Variants in BMP2K observed in about 807,000 individuals in gnomAD.
BMP2K encodes BMP-2-inducible protein kinase.
A neutral mutation model predicts 116.0 loss-of-function variants in BMP2K; 74 were observed. The ratio of observed to expected loss-of-function variants is 0.64; its 90% CI spans 0.53 to 0.77. The LOEUF is 0.77. Among genes scored for constraint, BMP2K ranks in the 30% least tolerant of loss-of-function variants. The pLI is 0.00. For missense variants in BMP2K, 1,365 were observed against 1,403.6 expected (o/e 0.97, Z 0.44); for synonymous variants, 486 against 502.5 (o/e 0.97, Z 0.44).
intron 15 of BMP2K, among the ~76,000 whole-genome samples, chr4:78,907,438 C>T (rs900372461): frequency 3.3e-5 from 5 of 152,190 alleles, no homozygotes; most frequent in African/African-American, 9.6e-5. Context: ...CCAAGTGACA[C>T]TCTCCAAGAT....
chr4:78,836,416 C>CAA (rs202054706), intron 3 of BMP2K, among the ~76,000 whole-genome samples: 2 of 133,136 alleles, frequency 1.5e-5, no homozygotes, highest in Middle Eastern at 3.9e-3. Flanking sequence ...GACTCTGTCT[C>CAA]AAAAAAAAAA....
chr4:78,798,559 G>A (rs1003261295), intron 1 of BMP2K, among the ~76,000 whole-genome samples: 15 of 152,124 alleles, frequency 9.9e-5, no homozygotes, highest in African/African-American at 3.4e-4. Context: ...GACTGTTAAC[G>A]GTAGTCTTCC....
chr4:78,885,526 G>A (rs538278906), intron 14 of BMP2K, among the ~76,000 whole-genome samples: 1 of 152,170 alleles, frequency 6.6e-6, no homozygotes, highest in African/African-American at 2.4e-5. Flanking sequence ...TTGAACTTGG[G>A]GCTTTTTGCT....
At chr4:78,895,749 T>C (rs1178682118) in intron 15 of BMP2K, among the ~76,000 whole-genome samples, 2 of 152,188 alleles carry the variant, frequency 1.3e-5, no homozygotes. Context: ...CTAATTTTTA[T>C]ATGAACACAG....
intron 14 of BMP2K, among the ~76,000 whole-genome samples, chr4:78,884,860 C>T (rs1288722810): frequency 2.0e-5 from 3 of 152,080 alleles, no homozygotes; most frequent in East Asian, 1.9e-4. Flanking sequence ...AGGGACCCTT[C>T]GTTATATAAA....
At chr4:78,788,471 G>T (rs1014183723) in intron 1 of BMP2K, among the ~76,000 whole-genome samples, 2 of 151,088 alleles carry the variant, frequency 1.3e-5, no homozygotes, top group African/African-American at 4.9e-5. Flanking sequence ...AACTCATCCA[G>T]ACAGCTCAGT....
chr4:78,900,500 CAA>C (rs1733942168), intron 15 of BMP2K, among the ~76,000 whole-genome samples: 1 of 152,090 alleles, frequency 6.6e-6, no homozygotes, highest in Non-Finnish European at 1.5e-5. Flanking sequence ...GAGAGTCTAA[CAA>C]GACATAAAAA....
At chr4:78,897,516 CATTAT>C (rs1328170437) in intron 15 of BMP2K, among the ~76,000 whole-genome samples, 1 of 152,080 alleles carries the variant, frequency 6.6e-6, no homozygotes, top group Non-Finnish European at 1.5e-5. Flanking sequence ...ACAATCTCAT[CATTAT>C]ATTAGCACAG....
intron 1 of BMP2K, among the ~76,000 whole-genome samples, chr4:78,809,689 T>G (rs1255576476): frequency 1.3e-5 from 2 of 151,692 alleles, no homozygotes; most frequent in Non-Finnish European, 1.5e-5. Flanking sequence ...TTAAAGTGTT[T>G]TTTTTTTTTT....
intron 1 of BMP2K, among the ~76,000 whole-genome samples, chr4:78,777,857 G>T (rs1560494956): frequency 6.6e-6 from 1 of 152,232 alleles, no homozygotes; most frequent in East Asian, 1.9e-4. Context: ...GAAAGAGAAA[G>T]AAATCGTGAA....
At chr4:78,864,791 G>A (rs1731963301) in intron 9 of BMP2K, among the ~76,000 whole-genome samples, 1 of 152,046 alleles carries the variant, frequency 6.6e-6, no homozygotes, top group African/African-American at 2.4e-5. Flanking sequence ...TGAACATTTG[G>A]TCCTATTAAC....
At chr4:78,781,541 C>A (rs1232518192) in intron 1 of BMP2K, among the ~76,000 whole-genome samples, 1 of 151,334 alleles carries the variant, frequency 6.6e-6, no homozygotes, top group Non-Finnish European at 1.5e-5. Context: ...GGTATGTCGT[C>A]TGGAACTCAG....
intron 1 of BMP2K, among the ~76,000 whole-genome samples, chr4:78,786,175 G>A (rs1017873694): frequency 1.8e-4 from 27 of 152,150 alleles, no homozygotes; most frequent in Middle Eastern, 3.4e-3. Flanking sequence ...TTAGTGATGG[G>A]GCCCTTGGGA....
intron 4 of BMP2K, among the ~76,000 whole-genome samples, chr4:78,843,215 T>C (rs1166974715): frequency 1.3e-5 from 2 of 151,994 alleles, no homozygotes; most frequent in Non-Finnish European, 1.5e-5. Context: ...GCTTTATGCC[T>C]AGATATTCCT....
chr4:78,833,018 A>G (rs760412772), intron 2 of BMP2K, among the ~76,000 whole-genome samples: 1 of 152,092 alleles, frequency 6.6e-6, no homozygotes, highest in Non-Finnish European at 1.5e-5. Flanking sequence ...TGTAAAAGAC[A>G]CAAAAGTTTC....
At chr4:78,796,230 T>G (rs1397016540) in intron 1 of BMP2K, among the ~76,000 whole-genome samples, 1 of 152,036 alleles carries the variant, frequency 6.6e-6, no homozygotes, top group Non-Finnish European at 1.5e-5. Context: ...GATGAGGTCC[T>G]TTGTAGGGAC....
intron 15 of BMP2K, among the ~76,000 whole-genome samples, chr4:78,896,190 C>T (rs1577970073): frequency 6.6e-6 from 1 of 152,140 alleles, no homozygotes; most frequent in African/African-American, 2.4e-5. Context: ...ACTAATAATC[C>T]TACTGTCACT....
At chr4:78,784,774 G>T (rs1006860738) in intron 1 of BMP2K, among the ~76,000 whole-genome samples, 18 of 152,156 alleles carry the variant, frequency 1.2e-4, no homozygotes, top group Admixed American at 1.1e-3. Flanking sequence ...ATCTATCGGG[G>T]AAAAATACCA....
At position 78,911,341 on chromosome 4, in the gene BMP2K, T is replaced by G. The variant is rs1317835727; in HGVS notation, c.2794T>G (p.Phe932Val). 2 of 1,613,792 alleles carry G rather than the reference T, an allele frequency of 1.2e-6. No homozygotes were observed. The highest frequency in any genetic ancestry group is 1.7e-6 in the Non-Finnish European group (2 of 1,179,792). ...IPGYPKSVDV[F>V]GSTPFQPFLT... ...TGGTTATCCCAAAAGTGTAGATGTA[T>G]TTGGCTCCACTCCATTTCAGCCCTT... Residue 932 changes from phenylalanine (F) to valine (V), a missense_variant, in exon 16 of 16, where the codon TTT (phenylalanine) becomes GTT (valine). By Grantham distance (50) the Phe-to-Val change is conservative. This residue lies in a region of BMP2K where 596 missense variants were observed against 623.2 expected (regional missense o/e 0.96). Coordinates refer to ENST00000502613, the MANE Select transcript of BMP2K (RefSeq NM_198892.2).
Sources: gnomAD v4.1 joint callset for allele counts (sites outside exome capture counted in the v4.1 genomes callset) on GRCh38, gnomAD v4.1.1 for gene constraint, gnomAD v4.1.1 regional missense constraint, MANE v1.5 for transcripts, NCBI Gene and HGNC (gene_info 2026-07-23, HGNC 2026-07-21) for gene names.